Variants in GRM7 observed in about 807,000 individuals in gnomAD.
The protein encoded by GRM7 is metabotropic glutamate receptor 7.
GRM7 carries 35 observed loss-of-function variants against 84.5 expected under a neutral mutation model. The observed-to-expected ratio is 0.41, with a 90% CI of 0.32 to 0.55. GRM7 has a LOEUF of 0.55. Among genes scored for constraint, GRM7 ranks in the 20% least tolerant of loss-of-function variants. The pLI is 0.19. For synonymous variants in GRM7, 487 were observed against 455.1 expected, an observed-to-expected ratio of 1.07 and a Z score of -0.89; for missense variants, 1,003 against 1,194.6, an observed-to-expected ratio of 0.84 and a Z score of 2.36.
intron 7 of GRM7, among the ~76,000 whole-genome samples, chr3:7,480,533 C>T (rs533541368): frequency 1.3e-5 from 2 of 152,306 alleles, no homozygotes; most frequent in African/African-American, 4.8e-5. Flanking sequence ...TCCACCCCAC[C>T]AGTGTGTTTA....
intron 6 of GRM7, 140 bp downstream of exon 6, chr3:7,452,947 T>G: frequency 1.6e-6 from 1 of 612,384 alleles, no homozygotes; most frequent in Non-Finnish European, 2.9e-6. Flanking sequence ...ATTGAATCAA[T>G]GCATGAATGA....
chr3:7,025,014 T>A (rs1434306027), intron 1 of GRM7, among the ~76,000 whole-genome samples: 1 of 152,160 alleles, frequency 6.6e-6, no homozygotes, highest in Non-Finnish European at 1.5e-5. Flanking sequence ...TAGAGGAGAA[T>A]CTGTTTTCTT....
chr3:6,952,283 C>A (rs1007398336), intron 1 of GRM7, among the ~76,000 whole-genome samples: 9 of 152,132 alleles, frequency 5.9e-5, no homozygotes, highest in Non-Finnish European at 1.3e-4. Context: ...TGAGGTTTTC[C>A]TGTCTGGGTA....
intron 9 of GRM7, among the ~76,000 whole-genome samples, chr3:7,732,552 G>T (rs2106527930): frequency 6.6e-6 from 1 of 152,240 alleles, no homozygotes; most frequent in African/African-American, 2.4e-5. Flanking sequence ...AGGCAAAGAA[G>T]GACATTACCG....
At chr3:7,260,673 T>TTGTGTGCGTGTGTG (rs1553638952) in intron 2 of GRM7, among the ~76,000 whole-genome samples, 1 of 144,428 alleles carries the variant, frequency 6.9e-6, no homozygotes, top group African/African-American at 2.5e-5. Flanking sequence ...TTCTTTTGAA[T>TTGTGTGCGTGTGTG]TGTGTGTGTG....
rs556116314 is a variant in GRM7 at position 6,956,962 on chromosome 3, A to T, written c.519+95055A>T. On this transcript the variant is annotated intron_variant, in intron 1 of 9. Coordinates refer to ENST00000357716, the MANE Select transcript of GRM7 (RefSeq NM_000844.4). ...CTTTACAAAAATGCTGCTGAGAAGA[A>T]CATCGAGTTTACATCATGCTGAATA... Among the ~76,000 whole-genome samples the T allele has an allele frequency of 8.5e-5, 13 of 152,352 alleles. No individual in the cohort carries two copies. In the South Asian group the frequency reaches 2.7e-3, roughly 32 times the overall value.
At chr3:7,028,432 A>G (rs1005779853) in intron 1 of GRM7, among the ~76,000 whole-genome samples, 2 of 152,228 alleles carry the variant, frequency 1.3e-5, no homozygotes, top group Admixed American at 1.3e-4. Context: ...GAATGAGGGA[A>G]TCTGTGTGTT....
chr3:7,565,409 A>G (rs1208595579), intron 7 of GRM7, among the ~76,000 whole-genome samples: 1 of 152,216 alleles, frequency 6.6e-6, no homozygotes, highest in East Asian at 1.9e-4. Context: ...TTGCATAATT[A>G]CAAATCGTAA....
intron 1 of GRM7, among the ~76,000 whole-genome samples, chr3:7,097,539 C>A (rs999656098): frequency 6.6e-6 from 1 of 151,962 alleles, no homozygotes; most frequent in African/African-American, 2.4e-5. Context: ...TTGAACTTTT[C>A]CACTAACAAA....
At chr3:7,396,402 C>A (rs772545239) in intron 4 of GRM7, among the ~76,000 whole-genome samples, 1 of 152,038 alleles carries the variant, frequency 6.6e-6, no homozygotes, top group African/African-American at 2.4e-5. Flanking sequence ...TTAAGAAATA[C>A]TTTACAAATT....
At chr3:7,084,851 G>A (rs1698388754) in intron 1 of GRM7, among the ~76,000 whole-genome samples, 1 of 152,142 alleles carries the variant, frequency 6.6e-6, no homozygotes, top group African/African-American at 2.4e-5. Context: ...TAAAAAATTA[G>A]CTCAAGAAGA....
chr3:7,376,326 C>T (rs1694348471), intron 4 of GRM7, among the ~76,000 whole-genome samples: 2 of 152,122 alleles, frequency 1.3e-5, no homozygotes, highest in Admixed American at 6.6e-5. Context: ...GCTGACTGTC[C>T]ACTCTTATAG....
chr3:7,337,190 G>T (rs1305800866), intron 4 of GRM7, among the ~76,000 whole-genome samples: 2 of 152,068 alleles, frequency 1.3e-5, no homozygotes. Context: ...TTCAACAAAT[G>T]GTGCTGGGAT....
Position 7,740,391 on chromosome 3 carries a change from T to C in GRM7, c.2733T>C (p.Asn911=). ...CAAAAAAGAAGTATGTCAGTTATAA[T>C]AACCTGGTTATCTAACCTGTTCCAT... ...PAAKKKYVSY[N]NLVI Residue 911 remains asparagine (N), a synonymous_variant, in exon 10 of 10, where the codon AAT becomes AAC. Transcript: ENST00000357716. 4.4e-6 allele frequency: 7 copies of C among 1,581,206 alleles called. No homozygotes were observed. The highest frequency in any genetic ancestry group is 6.1e-6 in the Non-Finnish European group (7 of 1,155,888).
intron 9 of GRM7, among the ~76,000 whole-genome samples, chr3:7,728,237 C>T (rs1289341447): frequency 2.0e-5 from 3 of 152,046 alleles, no homozygotes; most frequent in African/African-American, 7.2e-5. Flanking sequence ...TTCTTGTGGC[C>T]CAATAACAAG....
intron 2 of GRM7, among the ~76,000 whole-genome samples, chr3:7,200,964 AT>A (rs71625339): frequency 0.014 from 1,364 of 98,080 alleles, 6 homozygotes; most frequent in African/African-American, 0.047. Flanking sequence ...ACATTTCAGA[AT>A]TTTTTTTTTT....
chr3:7,390,981 C>G (rs2125141655), intron 4 of GRM7, among the ~76,000 whole-genome samples: 1 of 151,914 alleles, frequency 6.6e-6, no homozygotes, highest in Middle Eastern at 3.4e-3. Context: ...TGAGCTGACA[C>G]TTTTTGTTGT....
rs373407586 is a variant in GRM7 at position 7,578,644 on chromosome 3, C to T, written c.1738C>T (p.Pro580Ser). The change falls in exon 8 of 10, where the codon CCC (proline) becomes TCC (serine). Residue 580 changes from proline (P) to serine (S), a missense_variant. Around this residue, in one of 2 missense-constraint regions of GRM7, gnomAD observed 910 missense variants for 1,126.0 expected, o/e 0.81. Transcript: ENST00000357716. ...AAATCGAACCGGATGCCAGGATATTCCCATCATCAAACTGGAGTGGCACTC... is the reference window on the plus strand; with the variant it reads ...AAATCGAACCGGATGCCAGGATATTTCCATCATCAAACTGGAGTGGCACTC... Reference protein sequence around the residue: ...NENRTGCQDIPIIKLEWHSPW... With the variant: ...NENRTGCQDISIIKLEWHSPW... 1.4e-5 allele frequency: 23 copies of T among 1,613,686 alleles called. No homozygotes were observed. Among genetic ancestry groups the T allele is most frequent in the East Asian group, 2.2e-5 (1 of 44,870 alleles).
At chr3:7,077,484 A>G (rs1553614197) in intron 1 of GRM7, among the ~76,000 whole-genome samples, 1 of 136,758 alleles carries the variant, frequency 7.3e-6, no homozygotes, top group Non-Finnish European at 1.5e-5. Flanking sequence ...AGAAAACCAA[A>G]CCCCTCATGT....
Sources: gnomAD v4.1 joint callset for allele counts (sites outside exome capture counted in the v4.1 genomes callset) on GRCh38, gnomAD v4.1.1 for gene constraint, gnomAD v4.1.1 regional missense constraint, MANE v1.5 for transcripts, NCBI Gene and HGNC (gene_info 2026-07-23, HGNC 2026-07-21) for gene names.